ANGPT1: variants seen among roughly 807,000 people sequenced by gnomAD.
ANGPT1 encodes angiopoietin-1.
In ANGPT1, 17 loss-of-function variants were observed where a neutral mutation model predicts 62.2. That is an observed-to-expected ratio of 0.27 (90% confidence interval 0.19 to 0.41). The LOEUF (loss-of-function observed/expected upper bound fraction) is 0.41, where lower values mean the gene tolerates loss of function less well. Ranked by LOEUF, ANGPT1 falls within the 10% of genes least tolerant of loss-of-function variation. ANGPT1 has a pLI of 1.00. For synonymous variants in ANGPT1, 199 were observed against 198.9 expected, an observed-to-expected ratio of 1.00 and a Z score of 0.00; for missense variants, 478 against 594.9, an observed-to-expected ratio of 0.80 and a Z score of 2.04.
chr8:107,413,495 A>T (rs1043350166), intron 1 of ANGPT1, among the ~76,000 whole-genome samples: 1 of 151,802 alleles, frequency 6.6e-6, no homozygotes, highest in African/African-American at 2.4e-5. Context: ...TAACCAAAAA[A>T]CCCTCAGTAA....
chr8:107,464,699 A>T (rs142903657), intron 1 of ANGPT1, among the ~76,000 whole-genome samples: 70 of 152,276 alleles, frequency 4.6e-4, no homozygotes, highest in Non-Finnish European at 9.3e-4. Flanking sequence ...AATGGGAATG[A>T]TAGTTACAAT....
chr8:107,283,024 C>T (rs1316473917), intron 7 of ANGPT1, among the ~76,000 whole-genome samples: 2 of 139,688 alleles, frequency 1.4e-5, no homozygotes, highest in African/African-American at 5.4e-5. Context: ...CACACACACA[C>T]ATGCAGCCAC....
intron 8 of ANGPT1, among the ~76,000 whole-genome samples, chr8:107,252,919 C>T (rs1253112152): frequency 6.6e-6 from 1 of 152,088 alleles, no homozygotes; most frequent in Non-Finnish European, 1.5e-5. Context: ...TATTTGGATA[C>T]AGTTGACCTC....
intron 1 of ANGPT1, among the ~76,000 whole-genome samples, chr8:107,376,660 C>T (rs1310093289): frequency 6.6e-6 from 1 of 151,936 alleles, no homozygotes; most frequent in Admixed American, 6.6e-5. Context: ...TAAGGCCTAG[C>T]CAAACTGTGG....
At chr8:107,476,881 T>C (rs1232142273) in intron 1 of ANGPT1, among the ~76,000 whole-genome samples, 1 of 152,158 alleles carries the variant, frequency 6.6e-6, no homozygotes, top group Admixed American at 6.6e-5. Flanking sequence ...TTCATTATGA[T>C]TTTCCCCTCA....
intron 1 of ANGPT1, among the ~76,000 whole-genome samples, chr8:107,385,811 C>T (rs1449091138): frequency 2.0e-5 from 3 of 152,002 alleles, no homozygotes; most frequent in Non-Finnish European, 2.9e-5. Context: ...ACCTTCGATG[C>T]CTAGCTTGTT....
chr8:107,454,722 T>C (rs1215708263), intron 1 of ANGPT1, among the ~76,000 whole-genome samples: 1 of 152,052 alleles, frequency 6.6e-6, no homozygotes, highest in African/African-American at 2.4e-5. Context: ...CTCAGACAAA[T>C]TTCACCTGCC....
chr8:107,368,307 A>C (rs573356045), intron 1 of ANGPT1, among the ~76,000 whole-genome samples: 3,004 of 152,110 alleles, frequency 0.02, 119 homozygotes, highest in African/African-American at 0.068. Context: ...AGTAAGTCTC[A>C]AAAGTGGGCT....
In ANGPT1 at chr8:107,487,090, C is replaced by T. The variant is rs192252966; in HGVS notation, c.297+10172G>A. Among the ~76,000 whole-genome samples the T allele has an allele frequency of 6.6e-5, 10 of 152,222 alleles. No individual in the cohort carries two copies. In the East Asian group the frequency reaches 7.7e-4, roughly 12 times the overall value. ...TCCTCCTGACACTGCTATAGTCCCC[C>T]GTCCCTCACTGTGTCACCCCTCCCC... On this transcript the variant is annotated intron_variant, in intron 1 of 8. Coordinates refer to ENST00000517746, the MANE Select transcript of ANGPT1 (RefSeq NM_001146.5).
intron 1 of ANGPT1, among the ~76,000 whole-genome samples, chr8:107,373,245 A>T (rs1816451366): frequency 6.7e-6 from 1 of 149,220 alleles, no homozygotes; most frequent in African/African-American, 2.5e-5. Flanking sequence ...TAACTTCAAC[A>T]CTATTTTTAG....
intron 1 of ANGPT1, among the ~76,000 whole-genome samples, chr8:107,489,670 G>A (rs184463914): frequency 3.5e-4 from 53 of 152,248 alleles, no homozygotes; most frequent in African/African-American, 1.2e-3. Flanking sequence ...GCCTCCAAAT[G>A]TAAAGAGAAG....
intron 1 of ANGPT1, among the ~76,000 whole-genome samples, chr8:107,385,271 T>C (rs1464265384): frequency 1.3e-5 from 2 of 152,160 alleles, no homozygotes; most frequent in Admixed American, 1.3e-4. Flanking sequence ...GAACATGGAA[T>C]GTTTTTCTAC....
At chr8:107,448,785 C>T (rs759689479) in intron 1 of ANGPT1, among the ~76,000 whole-genome samples, 13 of 152,010 alleles carry the variant, frequency 8.6e-5, no homozygotes, top group Non-Finnish European at 1.8e-4. Context: ...TAGCGAGAAC[C>T]CAAAAAGAAT....
At chr8:107,369,608 G>C (rs1184819572) in intron 1 of ANGPT1, among the ~76,000 whole-genome samples, 3 of 152,106 alleles carry the variant, frequency 2.0e-5, no homozygotes, top group Non-Finnish European at 4.4e-5. Flanking sequence ...TTTAATGCTA[G>C]AGATGTACAA....
At chr8:107,469,292 T>C (rs1156483255) in intron 1 of ANGPT1, among the ~76,000 whole-genome samples, 1 of 152,034 alleles carries the variant, frequency 6.6e-6, no homozygotes. Context: ...GTATCTCTTC[T>C]CTGCTGTGTT....
chr8:107,323,248 T>C (rs1470542527), intron 3 of ANGPT1, among the ~76,000 whole-genome samples: 1 of 152,188 alleles, frequency 6.6e-6, no homozygotes, highest in African/African-American at 2.4e-5. Context: ...TTATGGAGTG[T>C]CTAATATACT....
chr8:107,314,642 T>C (rs562117788), intron 4 of ANGPT1, among the ~76,000 whole-genome samples: 4 of 152,322 alleles, frequency 2.6e-5, no homozygotes, highest in Non-Finnish European at 5.9e-5. Flanking sequence ...TTGTAAATGT[T>C]TGACATATAA....
At chr8:107,254,573 A>G (rs1457331865) in intron 8 of ANGPT1, among the ~76,000 whole-genome samples, 1 of 152,142 alleles carries the variant, frequency 6.6e-6, no homozygotes, top group Non-Finnish European at 1.5e-5. Flanking sequence ...TTGTGAAAGA[A>G]GCTGATATTT....
At chr8:107,464,755 C>A (rs1205708669) in intron 1 of ANGPT1, among the ~76,000 whole-genome samples, 1 of 152,074 alleles carries the variant, frequency 6.6e-6, no homozygotes, top group African/African-American at 2.4e-5. Flanking sequence ...ACAAGTGAAG[C>A]TCATACATGG....
Sources: gnomAD v4.1 joint callset for allele counts (sites outside exome capture counted in the v4.1 genomes callset) on GRCh38, gnomAD v4.1.1 for gene constraint, MANE v1.5 for transcripts, NCBI Gene and HGNC (gene_info 2026-07-23, HGNC 2026-07-21) for gene names.